The following PPARGC1B variants were observed in gnomAD, a reference collection of about 807,000 sequenced individuals.
The protein encoded by PPARGC1B is peroxisome proliferator-activated receptor gamma coactivator 1-beta.
In PPARGC1B, 34 loss-of-function variants were observed where a neutral mutation model predicts 101.6. That is an observed-to-expected ratio of 0.33 (90% CI 0.25 to 0.45). The LOEUF is 0.45. PPARGC1B is among the 20% of genes least tolerant of loss of function. PPARGC1B has a pLI of 1.00. For missense variants in PPARGC1B, 1,234 were observed against 1,317.6 expected (o/e 0.94, Z 0.98); for synonymous variants, 548 against 539.3 (o/e 1.02, Z -0.22).
chr5:149,794,892 G>T (rs1757153713), intron 1 of PPARGC1B, among the ~76,000 whole-genome samples: 1 of 152,218 alleles, frequency 6.6e-6, no homozygotes, highest in Admixed American at 6.5e-5. Flanking sequence ...TCTCCACTGG[G>T]GTCTGCAGTC....
intron 1 of PPARGC1B, among the ~76,000 whole-genome samples, chr5:149,807,630 C>A (rs1260310734): frequency 6.6e-6 from 1 of 152,144 alleles, no homozygotes; most frequent in Admixed American, 6.5e-5. Context: ...TTGTAACTCA[C>A]CTCAAAGCTG....
chr5:149,744,812 A>G (rs535037836), intron 1 of PPARGC1B, among the ~76,000 whole-genome samples: 1 of 152,140 alleles, frequency 6.6e-6, no homozygotes, highest in East Asian at 1.9e-4. Flanking sequence ...TCGGCATTAG[A>G]TAAGTGCTGA....
At chr5:149,817,918 AGTATTGCAGACT>A (rs1758121347) in intron 1 of PPARGC1B, 1 of 434,934 alleles carries the variant, frequency 2.3e-6, no homozygotes, top group Non-Finnish European at 4.7e-6. Flanking sequence ...CTTGTATGCA[AGTATTGCAGACT>A]TACTAGAAAT....
chr5:149,759,900 G>T (rs147636456), intron 1 of PPARGC1B, among the ~76,000 whole-genome samples: 2 of 152,230 alleles, frequency 1.3e-5, no homozygotes, highest in Non-Finnish European at 2.9e-5. Context: ...TAGTGGCAGA[G>T]CTGGGATTTG....
chr5:149,748,043 A>T (rs1242990573), intron 1 of PPARGC1B, among the ~76,000 whole-genome samples: 1 of 152,158 alleles, frequency 6.6e-6, no homozygotes, highest in Non-Finnish European at 1.5e-5. Context: ...TCCTTTGCTC[A>T]GCTGGCCTGC....
chr5:149,795,549 G>A (rs1055747271), intron 1 of PPARGC1B, among the ~76,000 whole-genome samples: 2 of 152,196 alleles, frequency 1.3e-5, no homozygotes, highest in Non-Finnish European at 2.9e-5. Context: ...AGGCAACTGA[G>A]GAGAAAGGAG....
intron 1 of PPARGC1B, among the ~76,000 whole-genome samples, chr5:149,772,856 G>A (rs762853899): frequency 2.6e-5 from 4 of 152,040 alleles, no homozygotes; most frequent in South Asian, 2.1e-4. Flanking sequence ...GTGATTCCTC[G>A]GTGGGGTTTG....
chr5:149,746,889 A>G (rs1042379397), intron 1 of PPARGC1B, among the ~76,000 whole-genome samples: 5 of 152,174 alleles, frequency 3.3e-5, no homozygotes, highest in South Asian at 4.1e-4. Context: ...GGCCATTTGC[A>G]TATCTTCTTT....
chr5:149,757,497 A>G (rs1755574627), intron 1 of PPARGC1B, among the ~76,000 whole-genome samples: 1 of 152,110 alleles, frequency 6.6e-6, no homozygotes, highest in Non-Finnish European at 1.5e-5. Context: ...AAATGAGTAA[A>G]ATCTACAAGG....
intron 1 of PPARGC1B, among the ~76,000 whole-genome samples, chr5:149,768,343 T>G (rs537988040): frequency 6.6e-6 from 1 of 152,264 alleles, no homozygotes; most frequent in East Asian, 1.9e-4. Context: ...GGTGTGATCT[T>G]GGCTCACTAC....
At position 149,730,503 on chromosome 5, in the gene PPARGC1B, C is replaced by A; in HGVS notation, c.78+83C>A. 1 of 1,186,056 alleles carries A rather than the reference C, an allele frequency of 8.4e-7. No homozygotes were observed. The highest frequency in any genetic ancestry group is 1.2e-6 in the Non-Finnish European group (1 of 865,004). The allele number at this position is 1,186,056 out of a possible 1,614,324, so 73.5% of individuals were successfully genotyped here. On this transcript the variant is annotated intron_variant, in intron 1 of 11. Transcript: ENST00000309241. This position sits in a 1 kb window ranked among gnomAD's most constrained non-coding sequence, Gnocchi z 4.0. ...AGCTGCAGCCGCGGAGGCCGGGAGG[C>A]AGCGGTGGGAGCCCTGGGGTAACTG...
intron 2 of PPARGC1B, among the ~76,000 whole-genome samples, chr5:149,824,906 C>G (rs1351192944): frequency 6.6e-6 from 1 of 152,252 alleles, no homozygotes; most frequent in Non-Finnish European, 1.5e-5. Context: ...CCCGTGTTCC[C>G]CCTTCGAACT....
rs897839847 is a variant in PPARGC1B at position 149,852,431 on chromosome 5, G to A, written c.*4873G>A. On this transcript the variant is annotated 3_prime_UTR_variant, in exon 12 of 12. Coordinates refer to ENST00000309241, the MANE Select transcript of PPARGC1B (RefSeq NM_133263.4). ...CATTCTCTGACTTGACCCAGCTCCT[G>A]TTCAGGGTGAGGGTTCTCTGCAAGA... 1.1e-4 allele frequency: 16 copies of A among 152,282 alleles called. No individual in the cohort carries two copies. Among genetic ancestry groups the A allele is most frequent in the African/African-American group, 3.8e-4 (16 of 41,560 alleles). The allele number at this position is 152,282 out of a possible 1,614,324, so 9.4% of individuals were successfully genotyped here.
At chr5:149,794,050 G>C (rs1284460622) in intron 1 of PPARGC1B, among the ~76,000 whole-genome samples, 1 of 152,222 alleles carries the variant, frequency 6.6e-6, no homozygotes, top group Non-Finnish European at 1.5e-5. Flanking sequence ...CCACAGAGTT[G>C]AGAAGTCATA....
At chr5:149,742,501 G>A (rs1754947206) in intron 1 of PPARGC1B, among the ~76,000 whole-genome samples, 1 of 152,230 alleles carries the variant, frequency 6.6e-6, no homozygotes, top group Non-Finnish European at 1.5e-5. Context: ...GACTGGCTAA[G>A]GAGGAGAGCT....
intron 1 of PPARGC1B, among the ~76,000 whole-genome samples, chr5:149,732,080 A>G (rs1052685434): frequency 2.7e-5 from 4 of 149,190 alleles, no homozygotes; most frequent in Non-Finnish European, 4.5e-5. Flanking sequence ...GTGTGTGTGC[A>G]CACGCCGCGC....
chr5:149,793,331 G>A (rs1757092569), intron 1 of PPARGC1B, among the ~76,000 whole-genome samples: 1 of 152,158 alleles, frequency 6.6e-6, no homozygotes, highest in East Asian at 1.9e-4. Context: ...AGGGAGAGGT[G>A]ATTCTATCAT....
intron 3 of PPARGC1B, among the ~76,000 whole-genome samples, chr5:149,830,195 G>C (rs1462602334): frequency 6.6e-6 from 1 of 151,962 alleles, no homozygotes; most frequent in Non-Finnish European, 1.5e-5. Context: ...CTTTGAGCAA[G>C]AGAGAGACTT....
At chr5:149,771,147 G>C (rs752570794) in intron 1 of PPARGC1B, among the ~76,000 whole-genome samples, 54 of 152,318 alleles carry the variant, frequency 3.5e-4, no homozygotes, top group Non-Finnish European at 1.6e-4. Context: ...GTGGGGGGCC[G>C]TGTGCGCATG....
Sources: allele counts gnomAD v4.1 joint callset (sites outside exome capture counted in the v4.1 genomes callset), GRCh38; gene constraint gnomAD v4.1.1; non-coding constraint Gnocchi (gnomAD v3.1); transcripts MANE v1.5; gene names NCBI Gene and HGNC (gene_info 2026-07-23, HGNC 2026-07-21).